NFYC: variants seen among roughly 807,000 people sequenced by gnomAD.
NFYC encodes the protein CAAT box DNA-binding protein subunit C.
Under a neutral mutation model 53.1 loss-of-function variants are expected in NFYC, and 25 were observed. The observed-to-expected ratio is 0.47, with a 90% confidence interval of 0.34 to 0.66. The LOEUF is 0.66. Among genes scored for constraint, NFYC ranks in the 30% least tolerant of loss-of-function variants. The probability of loss-of-function intolerance (pLI) is 0.01; values close to 1 mark genes in which losing one functional copy is unlikely to be tolerated. For missense variants in NFYC, 260 were observed against 422.7 expected (o/e 0.62, Z 3.38); for synonymous variants, 145 against 152.6 (o/e 0.95, Z 0.37).
chr1:40,746,028 T>C lies in NFYC; in HGVS notation c.106-1506T>C, dbSNP rs184195740. 2.0e-5 allele frequency among the ~76,000 whole-genome samples: 3 copies of C among 152,204 alleles called. No individual in the cohort carries two copies. In the East Asian group the frequency reaches 5.8e-4, roughly 29 times the overall value. ...CTGGCCTACATGTGTATTTTTTGCA[T>C]AGTAGTAGGTATCATACATTTACTA... On this transcript the variant is annotated intron_variant, in intron 2 of 9. Coordinates refer to ENST00000447388, the MANE Select transcript of NFYC (RefSeq NM_014223.5).
At chr1:40,716,536 C>G (rs759534769) in intron 1 of NFYC, among the ~76,000 whole-genome samples, 1 of 152,174 alleles carries the variant, frequency 6.6e-6, no homozygotes, top group Non-Finnish European at 1.5e-5. Flanking sequence ...GAAATTTGAA[C>G]AGTCTCTGCT....
chr1:40,721,776 T>G (rs1240702983), intron 1 of NFYC: 2 of 152,350 alleles, frequency 1.3e-5, no homozygotes, highest in African/African-American at 4.8e-5. Flanking sequence ...TTTCCCAGGC[T>G]GATCTTGAAC....
chr1:40,758,977 T>A (rs760860735), intron 6 of NFYC, among the ~76,000 whole-genome samples: 1 of 152,166 alleles, frequency 6.6e-6, no homozygotes, highest in Non-Finnish European at 1.5e-5. Context: ...AATAAAACAG[T>A]CCTTATTTTC....
At chr1:40,708,880 G>T (rs1643844488) in intron 1 of NFYC, among the ~76,000 whole-genome samples, 1 of 152,108 alleles carries the variant, frequency 6.6e-6, no homozygotes, top group Non-Finnish European at 1.5e-5. Flanking sequence ...TGCTTCTCTG[G>T]TCTATTGCCA....
chr1:40,743,377 A>G (rs1164972783), intron 2 of NFYC, among the ~76,000 whole-genome samples: 1 of 152,258 alleles, frequency 6.6e-6, no homozygotes, highest in Admixed American at 6.5e-5. Context: ...GGGAACAGCA[A>G]ATAACAGACT....
intron 1 of NFYC, among the ~76,000 whole-genome samples, chr1:40,700,931 T>C (rs1440941067): frequency 6.6e-6 from 1 of 152,292 alleles, no homozygotes; most frequent in South Asian, 2.1e-4. Context: ...TTCTCCACAC[T>C]GTACCCAATG....
rs1570592559 is a variant in NFYC at position 40,744,573 on chromosome 1, A to G, written c.106-2961A>G. ...TCTCATTGAGTGAATTCAGATTTGAATTTGTCTTGAAATGCAGCAGTTTCA... is the reference window on the plus strand; with the variant it reads ...TCTCATTGAGTGAATTCAGATTTGAGTTTGTCTTGAAATGCAGCAGTTTCA... On this transcript the variant is annotated intron_variant, in intron 2 of 9. Transcript: ENST00000447388. Among the ~76,000 whole-genome samples the G allele has an allele frequency of 3.9e-5, 6 of 152,274 alleles. 2 individuals are homozygous for G. Among genetic ancestry groups the G allele is most frequent in the Admixed American group, 3.9e-4 (6 of 15,296 alleles).
At chr1:40,700,436 G>A (rs149694238) in intron 1 of NFYC, among the ~76,000 whole-genome samples, 18 of 152,138 alleles carry the variant, frequency 1.2e-4, no homozygotes, top group Admixed American at 1.1e-3. Context: ...CAAACTTCTG[G>A]GTTCAAGTCA....
intron 2 of NFYC, among the ~76,000 whole-genome samples, chr1:40,745,482 T>G (rs1645564128): frequency 6.6e-6 from 1 of 152,194 alleles, no homozygotes; most frequent in African/African-American, 2.4e-5. Context: ...TTAAAAAAAC[T>G]CTTTAGGATC....
chr1:40,704,460 A>G (rs1643596913), intron 1 of NFYC, among the ~76,000 whole-genome samples: 1 of 152,192 alleles, frequency 6.6e-6, no homozygotes, highest in African/African-American at 2.4e-5. Flanking sequence ...GTTAGCTGAA[A>G]TCCTAGAGAT....
chr1:40,728,909 A>G (rs1440602486), intron 1 of NFYC, among the ~76,000 whole-genome samples: 1 of 152,194 alleles, frequency 6.6e-6, no homozygotes, highest in Non-Finnish European at 1.5e-5. Context: ...AAGTGTTGGG[A>G]TTACAGGCGT....
chr1:40,713,042 T>A (rs936866094), intron 1 of NFYC, among the ~76,000 whole-genome samples: 4 of 152,060 alleles, frequency 2.6e-5, no homozygotes, highest in African/African-American at 9.7e-5. Flanking sequence ...TAAAAAAAAA[T>A]AATTGATCTC....
chr1:40,758,267 C>T lies in NFYC; in HGVS notation c.534C>T (p.Ile178=). 1 of 1,613,098 alleles carries T rather than the reference C, an allele frequency of 6.2e-7. No homozygotes were observed. The highest frequency in any genetic ancestry group is 2.2e-5 in the East Asian group (1 of 44,874). Residue 178 remains isoleucine, a synonymous_variant, in exon 6 of 10, where the codon ATC becomes ATT. Transcript: ENST00000447388. ...SSTTTIQPGQ[I]IIAQPQQGQT... ...CGACCACCATCCAGCCTGGGCAGATCATCATCGCACAGCCTCAGCAGGGCC... is the reference window on the plus strand; with the variant it reads ...CGACCACCATCCAGCCTGGGCAGATTATCATCGCACAGCCTCAGCAGGGCC...
chr1:40,748,540 C>CT (rs1264390065), intron 3 of NFYC, among the ~76,000 whole-genome samples: 1 of 152,126 alleles, frequency 6.6e-6, no homozygotes, highest in African/African-American at 2.4e-5. Flanking sequence ...GATCTGAACT[C>CT]TTAAGAAATT....
rs575751039 is a variant in NFYC, at chr1:40,698,886, C to T, written c.-9+7019C>T. On this transcript the variant is annotated intron_variant, in intron 1 of 9. Transcript: ENST00000447388. ...TTTTAATAAGAGGAATGAGATGGGCCGGGCGCCGTGGCTCACACCTGTAAT... is the reference window on the plus strand; with the variant it reads ...TTTTAATAAGAGGAATGAGATGGGCTGGGCGCCGTGGCTCACACCTGTAAT... Among the ~76,000 whole-genome samples the T allele has an allele frequency of 3.0e-4, 45 of 152,000 alleles. 2 individuals carry two copies. In the South Asian group the frequency reaches 4.0e-3, roughly 13 times the overall value.
chr1:40,738,809 G>C, intron 1 of NFYC, 27 bp from the exon 2 acceptor site: 1 of 1,503,152 alleles, frequency 6.7e-7, no homozygotes, highest in Non-Finnish European at 9.2e-7. Context: ...TGTTTCTAAT[G>C]TGTCTTATGT....
chr1:40,733,504 A>C (rs1374466378), intron 1 of NFYC, among the ~76,000 whole-genome samples: 3 of 151,092 alleles, frequency 2.0e-5, no homozygotes, highest in African/African-American at 7.3e-5. Flanking sequence ...AAAAATAGAG[A>C]GAAAGAGTAG....
chr1:40,696,532 C>G (rs1643157000), intron 1 of NFYC, among the ~76,000 whole-genome samples: 1 of 152,174 alleles, frequency 6.6e-6, no homozygotes, highest in African/African-American at 2.4e-5. Context: ...AAGGGCAGAG[C>G]CAAATCTTGC....
chr1:40,704,079 GTGT>G (rs1643574474), intron 1 of NFYC, among the ~76,000 whole-genome samples: 1 of 93,452 alleles, frequency 1.1e-5, no homozygotes, highest in Non-Finnish European at 2.1e-5. Context: ...AGTGATTTAA[GTGT>G]TTTTTTTTTT....
Sources: gnomAD v4.1 joint callset for allele counts (sites outside exome capture counted in the v4.1 genomes callset) on GRCh38, gnomAD v4.1.1 for gene constraint, MANE v1.5 for transcripts, NCBI Gene and HGNC (gene_info 2026-07-23, HGNC 2026-07-21) for gene names.